BRIP1: variants seen among roughly 807,000 people sequenced by gnomAD.
BRIP1 encodes BRCA1 interacting DNA helicase 1.
Under a neutral mutation model 119.7 loss-of-function variants are expected in BRIP1, and 88 were observed. The observed-to-expected ratio is 0.74, with a 90% confidence interval of 0.62 to 0.88. BRIP1 has a LOEUF of 0.88. Among genes scored for constraint, BRIP1 ranks in the 40% least tolerant of loss-of-function variants. The pLI, the probability that BRIP1 is intolerant of heterozygous loss-of-function variation, is 0.00. For synonymous variants in BRIP1, 443 were observed against 496.5 expected (o/e 0.89, Z 1.43); for missense variants, 1,259 against 1,455.4 (o/e 0.87, Z 2.20).
At chr17:61,792,592 C>G (rs2077834977) in intron 10 of BRIP1, among the ~76,000 whole-genome samples, 1 of 152,132 alleles carries the variant, frequency 6.6e-6, no homozygotes, top group Admixed American at 6.5e-5. Flanking sequence ...ACAATTTCAA[C>G]TATATGGCAT....
rs1025131740 is a variant in BRIP1 at position 61,715,885 on chromosome 17, G to A, written c.2492+66C>T. ...CAAGTTTATTATAAAGAGTAAAGTA[G>A]CAAGACTAGATTTATATATATAGCC... On this transcript the variant is annotated intron_variant, in intron 17 of 19. Transcript: ENST00000259008. The A allele has an allele frequency of 5.7e-6, 6 of 1,059,572 alleles. No individual in the cohort carries two copies. In the African/African-American group the frequency reaches 8.0e-5, roughly 14 times the overall value. The allele number at this position is 1,059,572 out of a possible 1,614,324, so 65.6% of individuals were successfully genotyped here.
rs929449468 is a variant in BRIP1 at position 61,690,192 on chromosome 17, C to T, written c.2575+3238G>A. ...AAAGCTGAGGGACTTCACCACTAAA[C>T]GTGCCTTACAAGATATGCTAAAGGA... On this transcript the variant is annotated intron_variant, in intron 18 of 19. Coordinates refer to ENST00000259008, the MANE Select transcript of BRIP1 (RefSeq NM_032043.3). The surrounding 1 kb of genome is among the most constrained non-coding windows in gnomAD (Gnocchi z 5.6). 1.2e-4 allele frequency among the ~76,000 whole-genome samples: 19 copies of T among 152,134 alleles called. No homozygotes were observed. The highest frequency in any genetic ancestry group is 2.7e-4 in the African/African-American group (11 of 41,438).
intron 16 of BRIP1, among the ~76,000 whole-genome samples, chr17:61,719,205 T>TGGTTA (rs2061932952): frequency 7.1e-6 from 1 of 141,802 alleles, no homozygotes; most frequent in Non-Finnish European, 1.5e-5. Context: ...TGCAGCACTA[T>TGGTTA]TCTCAATAAC....
intron 16 of BRIP1, among the ~76,000 whole-genome samples, chr17:61,741,154 CTT>C (rs879756132): frequency 3.9e-5 from 6 of 152,218 alleles, no homozygotes; most frequent in Non-Finnish European, 5.9e-5. Flanking sequence ...CAAGAAACCA[CTT>C]TCTTTGCTCA....
Position 61,681,640 on chromosome 17 carries a change from G to T in BRIP1, c.*1656C>A, listed in dbSNP as rs1011467430. The T allele has an allele frequency of 5.0e-5, 10 of 199,258 alleles. No homozygotes were observed. Among genetic ancestry groups the T allele is most frequent in the Middle Eastern group, 3.5e-3 (2 of 568 alleles). The allele number at this position is 199,258 out of a possible 1,614,324, so 12.3% of individuals were successfully genotyped here. A position where few individuals can be genotyped will look rare whatever the true frequency, so the allele number is the denominator to read the frequency against. ...AAATTACCTTCTAATCGAGTATTTG[G>T]TATTTACTGCTCAATGATCAACTAG... On this transcript the variant is annotated 3_prime_UTR_variant, in exon 20 of 20. Coordinates refer to ENST00000259008, the MANE Select transcript of BRIP1 (RefSeq NM_032043.3). This position sits in a 1 kb window ranked among gnomAD's most constrained non-coding sequence, Gnocchi z 5.1.
intron 6 of BRIP1, among the ~76,000 whole-genome samples, chr17:61,837,744 A>G (rs960864194): frequency 2.6e-5 from 4 of 152,122 alleles, no homozygotes; most frequent in African/African-American, 9.7e-5. Context: ...CCATGTGGAG[A>G]CAGATGCTTC....
At chr17:61,840,694 C>T (rs2078646166) in intron 6 of BRIP1, among the ~76,000 whole-genome samples, 1 of 152,112 alleles carries the variant, frequency 6.6e-6, no homozygotes, top group Admixed American at 6.6e-5. Context: ...TAATCCCTAT[C>T]AAAATACCAA....
chr17:61,773,487 G>T (rs539454478), intron 14 of BRIP1, among the ~76,000 whole-genome samples: 1 of 152,108 alleles, frequency 6.6e-6, no homozygotes, highest in Non-Finnish European at 1.5e-5. Flanking sequence ...ATACCATTCA[G>T]AACATAGGCA....
chr17:61,689,729 G>A lies in BRIP1; in HGVS notation c.2576-3564C>T, dbSNP rs952236786. Among the ~76,000 whole-genome samples, 3 of 152,220 alleles carry A rather than the reference G, an allele frequency of 2.0e-5. No individual in the cohort carries two copies. Among genetic ancestry groups the A allele is most frequent in the African/African-American group, 7.2e-5 (3 of 41,456 alleles). On this transcript the variant is annotated intron_variant, in intron 18 of 19. Transcript: ENST00000259008. This position sits in a 1 kb window ranked among gnomAD's most constrained non-coding sequence, Gnocchi z 4.5. ...ATGAAGTCCCATAAGACAGTCACTA[G>A]GCCGGGCATGAAGGCTCATGCCTAT...
In BRIP1 at chr17:61,740,621, A is replaced by T. The variant is rs1196568013; in HGVS notation, c.2379+2392T>A. ...TTGGTTCCAGACCACCCCAATAAGG[A>T]GAATATCATAACAAAGTAAGTCACA... is the stretch of plus-strand genomic sequence containing the variant. On this transcript the variant is annotated intron_variant, in intron 16 of 19. Coordinates refer to ENST00000259008, the MANE Select transcript of BRIP1 (RefSeq NM_032043.3). This position sits in a 1 kb window ranked among gnomAD's most constrained non-coding sequence, Gnocchi z 5.4. Among the ~76,000 whole-genome samples, 1 of 152,206 alleles carries T rather than the reference A, an allele frequency of 6.6e-6. No individual in the cohort carries two copies. Among genetic ancestry groups the T allele is most frequent in the Non-Finnish European group, 1.5e-5 (1 of 68,022 alleles).
intron 10 of BRIP1, among the ~76,000 whole-genome samples, chr17:61,784,717 G>A (rs1359682862): frequency 6.6e-6 from 1 of 152,086 alleles, no homozygotes. Context: ...TCCCACGAGA[G>A]CTGGTTGTTA....
chr17:61,777,272 C>G (rs2077549051), intron 13 of BRIP1, among the ~76,000 whole-genome samples: 1 of 152,066 alleles, frequency 6.6e-6, no homozygotes, highest in Non-Finnish European at 1.5e-5. Context: ...TAGAAAAAAA[C>G]AAACTTTTTC....
chr17:61,766,857 A>C (rs2144918826), intron 14 of BRIP1, among the ~76,000 whole-genome samples: 1 of 152,262 alleles, frequency 6.6e-6, no homozygotes, highest in East Asian at 1.9e-4. Context: ...AAAATGATTT[A>C]ATAGAAAAGT....
intron 11 of BRIP1, among the ~76,000 whole-genome samples, chr17:61,782,173 C>T (rs1434162339): frequency 6.6e-6 from 1 of 151,894 alleles, no homozygotes; most frequent in African/African-American, 2.4e-5. Flanking sequence ...ATCACGAGGT[C>T]AGGAGATCGA....
At chr17:61,847,041 T>G (rs2078743928) in intron 6 of BRIP1, 60 bp downstream of exon 6, 7 of 1,599,786 alleles carry the variant, frequency 4.4e-6, no homozygotes, top group Non-Finnish European at 6.0e-6. Flanking sequence ...TTGTCAAAAA[T>G]TGGTTTAGAA....
At position 61,735,812 on chromosome 17, in the gene BRIP1, A is replaced by T. The variant is rs4968447; in HGVS notation, c.2379+7201T>A. Among the ~76,000 whole-genome samples the T allele has an allele frequency of 0.21, 31,235 of 151,596 alleles. 4,078 individuals carry two copies. Among genetic ancestry groups the T allele is most frequent in the Admixed American group, 0.41 (6,282 of 15,194 alleles). On this transcript the variant is annotated intron_variant, in intron 16 of 19. Transcript: ENST00000259008. This position sits in a 1 kb window ranked among gnomAD's most constrained non-coding sequence, Gnocchi z 4.4. ...TGAGACCCTGTTTTCAAAAAAATTT[A>T]AAAAAGACTGCCTCTTGGATGGATT...
At chr17:61,779,497 A>G (rs752123799) in intron 13 of BRIP1, among the ~76,000 whole-genome samples, 13 of 152,188 alleles carry the variant, frequency 8.5e-5, no homozygotes, top group Non-Finnish European at 1.3e-4. Context: ...GCATACACCC[A>G]TAATCCCAGC....
rs2078965815 is a variant in BRIP1 at position 61,860,994 on chromosome 17, A to G, written c.93+453T>C. Among the ~76,000 whole-genome samples, 1 of 152,224 alleles carries G rather than the reference A, an allele frequency of 6.6e-6. No homozygotes were observed. The highest frequency in any genetic ancestry group is 2.4e-5 in the African/African-American group (1 of 41,458). On this transcript the variant is annotated intron_variant, in intron 2 of 19. Transcript: ENST00000259008. The surrounding 1 kb of genome is among the most constrained non-coding windows in gnomAD (Gnocchi z 4.1). Reference sequence around the variant, plus strand: ...AACATGGCTAGGAAAGGAAAAGAACAAATTCAGGATACTAATAATCTTGTT... The same window carrying G: ...AACATGGCTAGGAAAGGAAAAGAACGAATTCAGGATACTAATAATCTTGTT...
Position 61,680,025 on chromosome 17 carries a change from G to A in BRIP1, c.*3271C>T, listed in dbSNP as rs1404232147. Among the ~76,000 whole-genome samples the A allele has an allele frequency of 2.6e-5, 4 of 152,020 alleles. No individual in the cohort carries two copies. The highest frequency in any genetic ancestry group is 6.6e-5 in the Admixed American group (1 of 15,236). The stretch of plus-strand genomic sequence containing the variant: ...CAGTAATGAAAATTTTTAACTTCAG[G>A]GAGAATTAAATTTTGGAAAGAATAA... On this transcript the variant is annotated 3_prime_UTR_variant, in exon 20 of 20. Transcript: ENST00000259008.
Sources: gnomAD v4.1 joint callset for allele counts (sites outside exome capture counted in the v4.1 genomes callset) on GRCh38, gnomAD v4.1.1 for gene constraint, Gnocchi (gnomAD v3.1) non-coding constraint, MANE v1.5 for transcripts, NCBI Gene and HGNC (gene_info 2026-07-23, HGNC 2026-07-21) for gene names.